Variants in CACNA1G observed in about 807,000 individuals in gnomAD.
CACNA1G encodes the protein voltage-dependent T-type calcium channel subunit alpha-1G.
In CACNA1G, 67 loss-of-function variants were observed where a neutral mutation model predicts 219.4. The observed-to-expected ratio is 0.31, with a 90% CI of 0.25 to 0.37. CACNA1G has a LOEUF of 0.37. Among genes scored for constraint, CACNA1G ranks in the 10% least tolerant of loss-of-function variants. The probability of loss-of-function intolerance (pLI) is 1.00; values close to 1 mark genes in which losing one functional copy is unlikely to be tolerated. For missense variants in CACNA1G, 2,380 were observed against 3,231.4 expected (o/e 0.74, Z 6.39); for synonymous variants, 1,296 against 1,345.3 (o/e 0.96, Z 0.80).
At position 50,626,582 on chromosome 17, in the gene CACNA1G, G is replaced by A. The variant is rs60940191; in HGVS notation, c.6965G>A (p.Arg2322Gln). ...GACCCCCCCGAGAGCCAAGGTCCTC[G>A]GACCCCGCCCAGCCCTGGTATCTGC... ...TIDPPESQGP[R>Q]TPPSPGICLR... The change falls in exon 38 of 38, where the codon CGG (arginine) becomes CAG (glutamine). Residue 2322 changes from arginine (R) to glutamine (Q), a missense_variant. Arg to Gln is a conservative substitution (Grantham distance 43). This residue lies in a region of CACNA1G where 672 missense variants were observed against 670.5 expected (regional missense o/e 1.00). Coordinates refer to ENST00000359106, the MANE Select transcript of CACNA1G (RefSeq NM_018896.5). This position sits in a 1 kb window ranked among gnomAD's most constrained non-coding sequence, Gnocchi z 4.3. 3.0e-4 allele frequency: 483 copies of A among 1,605,364 alleles called. 2 individuals carry two copies. In the African/African-American group the frequency reaches 5.8e-3, roughly 19 times the overall value.
At chr17:50,599,994 C>A in intron 17 of CACNA1G, 135 bp downstream of exon 17, 2 of 867,194 alleles carry the variant, frequency 2.3e-6, no homozygotes, top group Non-Finnish European at 1.7e-6. Context: ...AACCGAGCTC[C>A]AAACAATCCC....
At position 50,592,065 on chromosome 17, in the gene CACNA1G, C is replaced by T; in HGVS notation, c.2883C>T (p.Ala961=). 1.2e-6 allele frequency: 2 copies of T among 1,613,844 alleles called. No individual in the cohort carries two copies. Among genetic ancestry groups the T allele is most frequent in the Non-Finnish European group, 1.7e-6 (2 of 1,179,792 alleles). Residue 961 remains alanine (A), a synonymous_variant, in exon 13 of 38, where the codon GCC becomes GCT. Transcript: ENST00000359106. ...ACGTGCTCTTCAATTTGCTGGTCGC[C>T]ATTCTGGTGGAGGGCTTCCAGGCGG... ...GNYVLFNLLV[A]ILVEGFQAEE...
rs983336727 is a variant in CACNA1G at position 50,600,455 on chromosome 17, T to G, written c.3691-271T>G. ...CAGGGGGCTGGGCTGGAGGCAGGGG[T>G]GGGGAGAGGGGAGAGCGGGGTTGGG... On this transcript the variant is annotated intron_variant, in intron 17 of 37. Transcript: ENST00000359106. This position sits in a 1 kb window ranked among gnomAD's most constrained non-coding sequence, Gnocchi z 4.1. Among the ~76,000 whole-genome samples, 30 of 71,330 alleles carry G rather than the reference T, an allele frequency of 4.2e-4. No homozygotes were observed. Among genetic ancestry groups the G allele is most frequent in the South Asian group, 9.0e-4 (2 of 2,226 alleles). The allele number at this position is 71,330 out of a possible 152,430, so 46.8% of individuals were successfully genotyped here. A position where few individuals can be genotyped will look rare whatever the true frequency, so the allele number is the denominator to read the frequency against.
intron 35 of CACNA1G, among the ~76,000 whole-genome samples, chr17:50,623,679 G>A (rs1044608131): frequency 6.6e-6 from 1 of 151,976 alleles, no homozygotes; most frequent in Non-Finnish European, 1.5e-5. Flanking sequence ...AGACTCTCCC[G>A]GCTGCCCAGA....
intron 9 of CACNA1G, among the ~76,000 whole-genome samples, chr17:50,588,639 A>ATC: frequency 6.6e-6 from 1 of 151,898 alleles, no homozygotes; most frequent in African/African-American, 2.4e-5. Context: ...CAGTGCCCCC[A>ATC]CTCACAATCC....
intron 22 of CACNA1G, 78 bp from the exon 23 acceptor site, chr17:50,605,820 G>A (rs761051075): frequency 3.4e-5 from 52 of 1,530,604 alleles, no homozygotes; most frequent in Non-Finnish European, 4.4e-5. Flanking sequence ...CCAGGCTGGC[G>A]TGGGGGTGGG....
In CACNA1G at chr17:50,623,951, T is replaced by G; in HGVS notation, c.6105T>G (p.Thr2035=). Residue 2035 remains threonine (T), a synonymous_variant, in exon 36 of 38, where the codon ACT becomes ACG. Coordinates refer to ENST00000359106, the MANE Select transcript of CACNA1G (RefSeq NM_018896.5). ...PTELPGPDLL[T]VRKSGVSRTH... ...AGCTGCCAGGACCAGACTTACTGAC[T>G]GTGCGGAAGTCTGGGGTCAGCCGAA... The G allele has an allele frequency of 6.2e-7, 1 of 1,613,312 alleles. No homozygotes were observed. Among genetic ancestry groups the G allele is most frequent in the Non-Finnish European group, 8.5e-7 (1 of 1,179,806 alleles).
At chr17:50,583,243 G>A (rs962060304) in intron 9 of CACNA1G, among the ~76,000 whole-genome samples, 1 of 152,122 alleles carries the variant, frequency 6.6e-6, no homozygotes, top group African/African-American at 2.4e-5. Context: ...AGCTTTGGGG[G>A]ATGATCCTTT....
rs2051003337 is a variant in CACNA1G at position 50,618,298 on chromosome 17, C to T, written c.5382C>T (p.Thr1794=). Residue 1794 remains threonine (T), a synonymous_variant, in exon 32 of 38, where the codon ACC becomes ACT. Transcript: ENST00000359106. This position sits in a 1 kb window ranked among gnomAD's most constrained non-coding sequence, Gnocchi z 5.3. ...TFRNFGMAFL[T]LFRVSTGDNW... Reference sequence around the variant, plus strand: ...GGAACTTTGGCATGGCCTTCCTAACCCTCTTCCGAGTCTCCACAGGTGACA... The same window carrying T: ...GGAACTTTGGCATGGCCTTCCTAACTCTCTTCCGAGTCTCCACAGGTGACA... 2 of 1,613,774 alleles carry T rather than the reference C, an allele frequency of 1.2e-6. No individual in the cohort carries two copies. The highest frequency in any genetic ancestry group is 3.3e-5 in the Admixed American group (2 of 59,992).
rs2046425611 is a variant in CACNA1G at position 50,600,597 on chromosome 17, G to A, written c.3691-129G>A. On this transcript the variant is annotated intron_variant, in intron 17 of 37. Transcript: ENST00000359106. This position sits in a 1 kb window ranked among gnomAD's most constrained non-coding sequence, Gnocchi z 4.1. ...TGGCTTTAGGAATAAAGGAAGAGAG[G>A]CAGGGCAGAGCTTGGGCCCCAGGTG... The A allele has an allele frequency of 3.5e-5, 26 of 732,508 alleles. No individual in the cohort carries two copies. The South Asian group carries it at 4.2e-4, about 12-fold the overall frequency. 45.4% of individuals were successfully genotyped at this position (732,508 alleles called of 1,614,324 possible).
intron 9 of CACNA1G, among the ~76,000 whole-genome samples, chr17:50,580,832 C>T (rs780250343): frequency 1.3e-5 from 2 of 152,150 alleles, no homozygotes; most frequent in Non-Finnish European, 1.5e-5. Flanking sequence ...CTCAGGGGTG[C>T]GGAGAGTAAG....
Position 50,621,616 on chromosome 17 carries a change from G to T in CACNA1G, c.5926-44G>T. 6.2e-7 allele frequency: 1 copy of T among 1,605,870 alleles called. No homozygotes were observed. Among genetic ancestry groups the T allele is most frequent in the Non-Finnish European group, 8.5e-7 (1 of 1,174,372 alleles). On this transcript the variant is annotated intron_variant, in intron 34 of 37. Coordinates refer to ENST00000359106, the MANE Select transcript of CACNA1G (RefSeq NM_018896.5). This position sits in a 1 kb window ranked among gnomAD's most constrained non-coding sequence, Gnocchi z 4.6. Reference sequence around the variant, plus strand: ...TGTGTGCGTGTGCACGCGCGTGTGCGCTGTCCTGGTTTCTCATGCCTGATC... The same window carrying T: ...TGTGTGCGTGTGCACGCGCGTGTGCTCTGTCCTGGTTTCTCATGCCTGATC...
chr17:50,606,448 A>G, intron 23 of CACNA1G: 1 of 591,528 alleles, frequency 1.7e-6, no homozygotes, highest in Non-Finnish European at 3.0e-6. Context: ...TGGAGTCATA[A>G]TAGAATCTCC....
At chr17:50,569,400 G>A in intron 3 of CACNA1G, 102 bp downstream of exon 3, 1 of 1,262,130 alleles carries the variant, frequency 7.9e-7, no homozygotes, top group African/African-American at 1.5e-5. Flanking sequence ...CCCAGTTACA[G>A]CACCACTTTC....
chr17:50,585,694 A>G (rs2042863349), intron 9 of CACNA1G, among the ~76,000 whole-genome samples: 4 of 152,172 alleles, frequency 2.6e-5, no homozygotes. Flanking sequence ...GGGGAAGACC[A>G]GGACCATGAT....
chr17:50,601,212 G>A (rs745856274), intron 19 of CACNA1G, 38 bp downstream of exon 19: 10 of 1,609,370 alleles, frequency 6.2e-6, no homozygotes, highest in East Asian at 2.2e-5. Flanking sequence ...GGCCTCTCCT[G>A]GGGTTTGCAC....
intron 13 of CACNA1G, among the ~76,000 whole-genome samples, chr17:50,594,735 T>C (rs923371749): frequency 2.0e-5 from 3 of 152,186 alleles, no homozygotes; most frequent in African/African-American, 4.8e-5. Context: ...ATTAGGATTA[T>C]GGGGGGACCT....
Position 50,560,785 on chromosome 17 carries a change from G to A in CACNA1G, c.-675G>A, listed in dbSNP as rs981775267. Among the ~76,000 whole-genome samples, 3 of 152,176 alleles carry A rather than the reference G, an allele frequency of 2.0e-5. No homozygotes were observed. Among genetic ancestry groups the A allele is most frequent in the African/African-American group, 7.2e-5 (3 of 41,460 alleles). ...CTCGGCCGGAGGAGGAGGCTGTGGC[G>A]CCGGCGACAGCTACGGCAGCGGCAG... On this transcript the variant is annotated 5_prime_UTR_variant, in exon 1 of 38. Coordinates refer to ENST00000359106, the MANE Select transcript of CACNA1G (RefSeq NM_018896.5).
At chr17:50,612,558 T>G (rs1002280018) in intron 26 of CACNA1G, among the ~76,000 whole-genome samples, 5 of 152,248 alleles carry the variant, frequency 3.3e-5, no homozygotes, top group African/African-American at 1.2e-4. Flanking sequence ...CCACGGCAGC[T>G]GAAGGTGTGG....
Sources: gnomAD v4.1 joint callset for allele counts (sites outside exome capture counted in the v4.1 genomes callset) on GRCh38, gnomAD v4.1.1 for gene constraint, gnomAD v4.1.1 regional missense constraint, Gnocchi (gnomAD v3.1) non-coding constraint, MANE v1.5 for transcripts, NCBI Gene and HGNC (gene_info 2026-07-23, HGNC 2026-07-21) for gene names.